Variants in SPECC1L observed in about 807,000 individuals in gnomAD.
SPECC1L encodes the protein sperm antigen with calponin homology and coiled-coil domains 1 like.
SPECC1L carries 40 observed loss-of-function variants against 116.8 expected under a neutral mutation model. That is an observed-to-expected ratio of 0.34 (90% confidence interval 0.27 to 0.45). The LOEUF (loss-of-function observed/expected upper bound fraction) is 0.45. Ranked by LOEUF, SPECC1L falls within the 20% of genes least tolerant of loss-of-function variation. The pLI, the probability that SPECC1L is intolerant of heterozygous loss-of-function variation, is 1.00. For synonymous variants in SPECC1L, 504 were observed against 500.6 expected (o/e 1.01, Z -0.09); for missense variants, 1,110 against 1,373.6 (o/e 0.81, Z 3.03).
chr22:24,330,776 C>T (rs183652667), intron 8 of SPECC1L, among the ~76,000 whole-genome samples: 1 of 152,266 alleles, frequency 6.6e-6, no homozygotes, highest in African/African-American at 2.4e-5. Context: ...GACAGATATT[C>T]TTGGCTCGTG....
At chr22:24,271,030 T>G (rs1316834107) in intron 1 of SPECC1L, 47 bp downstream of exon 1, 6 of 152,400 alleles carry the variant, frequency 3.9e-5, no homozygotes, top group African/African-American at 1.4e-4. Context: ...GCGGGTTGGT[T>G]TATCGCCTCA....
In SPECC1L at chr22:24,411,834, C is replaced by G; in HGVS notation, c.3204+130C>G. ...TGCGATTGCCTCGTGCCATCTGGGTCTTCTGGGATCAGGTCATTCATGCTG... is the reference window on the plus strand; with the variant it reads ...TGCGATTGCCTCGTGCCATCTGGGTGTTCTGGGATCAGGTCATTCATGCTG... On this transcript the variant is annotated intron_variant, in intron 15 of 16. Coordinates refer to ENST00000314328, the MANE Select transcript of SPECC1L (RefSeq NM_015330.6). The G allele has an allele frequency of 2.6e-6, 2 of 779,376 alleles. 1 individual carries two copies. The highest frequency in any genetic ancestry group is 2.8e-5 in the South Asian group (2 of 72,282). The allele number at this position is 779,376 out of a possible 1,614,324, so 48.3% of individuals were successfully genotyped here.
chr22:24,325,312 C>T (rs1324597058), intron 6 of SPECC1L, among the ~76,000 whole-genome samples: 1 of 152,068 alleles, frequency 6.6e-6, no homozygotes, highest in Non-Finnish European at 1.5e-5. Flanking sequence ...CTTGTGTGAC[C>T]ACAAATCGTG....
chr22:24,390,502 T>G (rs1415706785), intron 14 of SPECC1L, among the ~76,000 whole-genome samples: 1 of 152,244 alleles, frequency 6.6e-6, no homozygotes, highest in Non-Finnish European at 1.5e-5. Context: ...AAATCTAGGT[T>G]GAAAGTCTAA....
intron 2 of SPECC1L, among the ~76,000 whole-genome samples, chr22:24,301,929 C>G (rs999661469): frequency 6.6e-6 from 1 of 151,904 alleles, no homozygotes; most frequent in Admixed American, 6.6e-5. Context: ...GCCTGTAGTC[C>G]CAACTACTCG....
intron 4 of SPECC1L, among the ~76,000 whole-genome samples, chr22:24,315,013 C>T (rs756371713): frequency 2.6e-5 from 4 of 152,196 alleles, no homozygotes; most frequent in Non-Finnish European, 5.9e-5. Flanking sequence ...TATTTTACTT[C>T]TTACGTTTAT....
At chr22:24,328,671 T>C (rs558068289) in intron 6 of SPECC1L, among the ~76,000 whole-genome samples, 175 bp from the exon 7 acceptor site, 4 of 152,246 alleles carry the variant, frequency 2.6e-5, no homozygotes, top group Non-Finnish European at 4.4e-5. Flanking sequence ...GAAAGTAATA[T>C]TTGTTATTAC....
chr22:24,400,465 G>A (rs1264242105), intron 14 of SPECC1L, among the ~76,000 whole-genome samples: 1 of 152,084 alleles, frequency 6.6e-6, no homozygotes, highest in Non-Finnish European at 1.5e-5. Context: ...TTATTCATTT[G>A]TCAATTGGTG....
At chr22:24,280,918 A>G (rs945331027) in intron 2 of SPECC1L, among the ~76,000 whole-genome samples, 1 of 152,084 alleles carries the variant, frequency 6.6e-6, no homozygotes, top group African/African-American at 2.4e-5. Context: ...TCCCCCAACC[A>G]TTTAAAAATG....
intron 2 of SPECC1L, among the ~76,000 whole-genome samples, chr22:24,279,181 C>T (rs1317891584): frequency 6.6e-6 from 1 of 152,162 alleles, no homozygotes; most frequent in Non-Finnish European, 1.5e-5. Context: ...ACAGTAAAAG[C>T]TGCTTTAAAT....
At chr22:24,319,612 A>G (rs760855713) in intron 4 of SPECC1L, among the ~76,000 whole-genome samples, 33 of 152,172 alleles carry the variant, frequency 2.2e-4, no homozygotes, top group Admixed American at 2.1e-3. Context: ...AATTCTGCCT[A>G]TCTTTTGGGA....
At chr22:24,390,701 TA>T (rs1166898310) in intron 14 of SPECC1L, among the ~76,000 whole-genome samples, 1 of 151,946 alleles carries the variant, frequency 6.6e-6, no homozygotes, top group Non-Finnish European at 1.5e-5. Context: ...AGTGAAGCAA[TA>T]AAAACTCCTG....
intron 14 of SPECC1L, among the ~76,000 whole-genome samples, chr22:24,385,518 G>T (rs548221856): frequency 1.3e-5 from 2 of 152,158 alleles, no homozygotes; most frequent in Non-Finnish European, 1.5e-5. Context: ...TGTCCTATGC[G>T]AGCACTAACC....
chr22:24,337,800 ATAT>A (rs1389976861), intron 9 of SPECC1L, among the ~76,000 whole-genome samples: 1 of 152,164 alleles, frequency 6.6e-6, no homozygotes, highest in African/African-American at 2.4e-5. Context: ...AACTGTTTAG[ATAT>A]TAATAAATTC....
intron 14 of SPECC1L, among the ~76,000 whole-genome samples, chr22:24,385,212 A>T (rs2042139679): frequency 6.6e-6 from 1 of 152,156 alleles, no homozygotes; most frequent in African/African-American, 2.4e-5. Flanking sequence ...ATTTAAAATC[A>T]CATATTAGCA....
rs144904977 is a variant in SPECC1L at position 24,381,553 on chromosome 22, T to C, written c.3087+12233T>C. Reference sequence around the variant, plus strand: ...TTAGCAGGCGTATATTTATGTGTTATGCTTTACTTGAATTCTAAGGTTTTT... The same window carrying C: ...TTAGCAGGCGTATATTTATGTGTTACGCTTTACTTGAATTCTAAGGTTTTT... On this transcript the variant is annotated intron_variant, in intron 14 of 16. Transcript: ENST00000314328. Among the ~76,000 whole-genome samples the C allele has an allele frequency of 4.2e-4, 64 of 152,294 alleles. No homozygotes were observed. In the East Asian group the frequency reaches 0.012, roughly 28 times the overall value.
intron 2 of SPECC1L, among the ~76,000 whole-genome samples, chr22:24,278,082 C>T (rs6004121): frequency 0.093 from 9,785 of 105,482 alleles, no homozygotes; most frequent in East Asian, 0.29. Flanking sequence ...AGGCTGGGCA[C>T]AGTGGCTCAC....
At chr22:24,398,207 C>A (rs1410994376) in intron 14 of SPECC1L, among the ~76,000 whole-genome samples, 1 of 152,224 alleles carries the variant, frequency 6.6e-6, no homozygotes, top group Non-Finnish European at 1.5e-5. Flanking sequence ...GGAATCAACA[C>A]CATCTCAGGG....
intron 2 of SPECC1L, among the ~76,000 whole-genome samples, chr22:24,281,241 G>A (rs5760306): frequency 2.0e-5 from 3 of 152,164 alleles, no homozygotes; most frequent in Non-Finnish European, 4.4e-5. Flanking sequence ...GAAAAATGTA[G>A]TGAAATACCA....
Sources: gnomAD v4.1 joint callset for allele counts (sites outside exome capture counted in the v4.1 genomes callset) on GRCh38, gnomAD v4.1.1 for gene constraint, MANE v1.5 for transcripts, NCBI Gene and HGNC (gene_info 2026-07-23, HGNC 2026-07-21) for gene names.